The following CAPS2 variants were observed in gnomAD, a reference collection of about 807,000 sequenced individuals.
CAPS2 encodes the protein calcyphosin-2.
CAPS2 carries 98 observed loss-of-function variants against 86.5 expected under a neutral mutation model. The ratio of observed to expected loss-of-function variants is 1.13; its 90% CI spans 0.96 to 1.34. The LOEUF (loss-of-function observed/expected upper bound fraction) is 1.34. Ranked by LOEUF, CAPS2 falls within the 40% of genes most tolerant of loss-of-function variation. The pLI, the probability that CAPS2 is intolerant of heterozygous loss-of-function variation, is 0.00. For missense variants in CAPS2, 729 were observed against 686.8 expected (o/e 1.06, Z -0.69); for synonymous variants, 210 against 225.1 (o/e 0.93, Z 0.60).
intron 1 of CAPS2, among the ~76,000 whole-genome samples, chr12:75,369,133 C>T (rs2044189009): frequency 6.6e-6 from 1 of 151,866 alleles, no homozygotes; most frequent in African/African-American, 2.4e-5. Context: ...GATGGTTTAA[C>T]TCAAGAGGTG....
rs1293982137 is a variant in CAPS2, at chr12:75,307,102, T to A, written c.660-2226A>T. Among the ~76,000 whole-genome samples the A allele has an allele frequency of 5.3e-5, 8 of 152,292 alleles. No individual in the cohort carries two copies. In the East Asian group the frequency reaches 1.5e-3, roughly 29 times the overall value. ...GTACAGACTCTGCAACTAGACTGCC[T>A]GGATTCAATCCTTGCCTGCCGCGAT... is the stretch of plus-strand genomic sequence containing the variant. On this transcript the variant is annotated intron_variant, in intron 7 of 16. Coordinates refer to ENST00000393284, the Ensembl canonical transcript of CAPS2.
chr12:75,354,626 C>G (rs1321517622), intron 1 of CAPS2, among the ~76,000 whole-genome samples: 1 of 152,156 alleles, frequency 6.6e-6, no homozygotes, highest in Non-Finnish European at 1.5e-5. Context: ...TTAGAAAAAA[C>G]TATTTTAAAA....
Position 75,296,417 on chromosome 12 carries a change from G to A in CAPS2, c.1044+2270C>T, listed in dbSNP as rs549187316. Among the ~76,000 whole-genome samples, 155 of 151,962 alleles carry A rather than the reference G, an allele frequency of 1.0e-3. 1 individual carries two copies. Among genetic ancestry groups the A allele is most frequent in the Non-Finnish European group, 1.7e-3 (116 of 67,960 alleles). ...CGCCATTCTCCTGCCTCAGTCTCCC[G>A]AGTAGCTGGGACTACAGGTGCCCGC... On this transcript the variant is annotated intron_variant, in intron 11 of 16. Transcript: ENST00000393284.
Position 75,321,371 on chromosome 12 carries a change from T to C in CAPS2, c.468+29A>G, listed in dbSNP as rs746460793. The C allele has an allele frequency of 1.6e-5, 22 of 1,398,360 alleles. No homozygotes were observed. In the South Asian group the frequency reaches 2.6e-4, roughly 16 times the overall value. The allele number at this position is 1,398,360 out of a possible 1,614,324, so 86.6% of individuals were successfully genotyped here. A position where few individuals can be genotyped will look rare whatever the true frequency, so the allele number is the denominator to read the frequency against. The stretch of plus-strand genomic sequence containing the variant: ...TATGTGCAGTTTTCTTTAAATGTCA[T>C]TAGAATTTTTTAAAGCCTCATACAT... On this transcript the variant is annotated intron_variant, in intron 5 of 16. Coordinates refer to ENST00000393284, the Ensembl canonical transcript of CAPS2.
At chr12:75,340,869 C>A (rs1411988672) in intron 1 of CAPS2, among the ~76,000 whole-genome samples, 2 of 150,964 alleles carry the variant, frequency 1.3e-5, no homozygotes, top group Non-Finnish European at 3.0e-5. Context: ...AAATTAAAAC[C>A]ACAAGGACAT....
chr12:75,384,217 A>C (rs1412243085), intron 1 of CAPS2, among the ~76,000 whole-genome samples: 1 of 152,188 alleles, frequency 6.6e-6, no homozygotes, highest in Non-Finnish European at 1.5e-5. Flanking sequence ...TAATAAAATC[A>C]AAAGCTGGTT....
intron 1 of CAPS2, among the ~76,000 whole-genome samples, chr12:75,336,258 T>C (rs1248708623): frequency 6.6e-6 from 1 of 151,880 alleles, no homozygotes; most frequent in Non-Finnish European, 1.5e-5. Context: ...AAGTCCTTGA[T>C]TAATTTTTGG....
chr12:75,314,540 G>A (rs2039559124), intron 6 of CAPS2, among the ~76,000 whole-genome samples: 1 of 152,010 alleles, frequency 6.6e-6, no homozygotes, highest in Non-Finnish European at 1.5e-5. Context: ...AGCTCATGAT[G>A]CTTTATAAGA....
chr12:75,371,442 C>A (rs903627375), intron 1 of CAPS2: 7 of 338,834 alleles, frequency 2.1e-5, no homozygotes, highest in Non-Finnish European at 3.0e-5. Context: ...TCTCCTTTGG[C>A]AATACTCTCA....
At chr12:75,317,709 A>G (rs368447581) in intron 5 of CAPS2, among the ~76,000 whole-genome samples, 3 of 152,150 alleles carry the variant, frequency 2.0e-5, no homozygotes, top group African/African-American at 7.2e-5. Flanking sequence ...GTAAATATGC[A>G]ATGTGTACAG....
intron 1 of CAPS2, among the ~76,000 whole-genome samples, chr12:75,377,709 G>C (rs1016826536): frequency 1.1e-4 from 16 of 152,018 alleles, no homozygotes; most frequent in Non-Finnish European, 2.1e-4. Flanking sequence ...CACATTGAGG[G>C]TGGGTCTGCC....
At chr12:75,334,335 T>G (rs990138419), upstream of CAPS2, 1 of 253,816 alleles carries the variant, frequency 3.9e-6, no homozygotes, top group African/African-American at 2.3e-5. Flanking sequence ...GAATATATAG[T>G]GCTTTGCACT....
At chr12:75,295,474 G>A (rs973281755) in intron 11 of CAPS2, among the ~76,000 whole-genome samples, 3 of 152,156 alleles carry the variant, frequency 2.0e-5, no homozygotes, top group African/African-American at 7.2e-5. Flanking sequence ...CACATACGAT[G>A]TTCGCTTTGT....
intron 1 of CAPS2, chr12:75,370,129 G>T: frequency 6.2e-7 from 1 of 1,607,092 alleles, no homozygotes. Flanking sequence ...TCAGCAGACA[G>T]CCTTTAATCC....
intron 8 of CAPS2, among the ~76,000 whole-genome samples, chr12:75,300,802 T>C (rs2037721434): frequency 1.3e-5 from 2 of 152,100 alleles, no homozygotes; most frequent in South Asian, 4.1e-4. Flanking sequence ...AAAGCCAGCC[T>C]AGAGCGGTAA....
At chr12:75,276,830 A>T (rs2033019186), downstream of CAPS2, 1 of 932,670 alleles carries the variant, frequency 1.1e-6, no homozygotes, top group South Asian at 5.0e-5. Flanking sequence ...ATGTAACAGC[A>T]TTACAACATA....
intron 7 of CAPS2, chr12:75,305,539 G>T: frequency 1.6e-6 from 1 of 622,226 alleles, no homozygotes. Flanking sequence ...TCCGGTAGGC[G>T]TTCCTCCGTC....
chr12:75,300,555 C>CAAAAAAA (rs60853698), intron 8 of CAPS2, among the ~76,000 whole-genome samples: 4 of 83,024 alleles, frequency 4.8e-5, no homozygotes, highest in Non-Finnish European at 7.1e-5. Flanking sequence ...GACTCCGTCT[C>CAAAAAAA]AAAAAAAAAA....
chr12:75,381,701 G>T (rs1266630159), intron 1 of CAPS2, among the ~76,000 whole-genome samples: 4 of 138,478 alleles, frequency 2.9e-5, no homozygotes, highest in Admixed American at 8.0e-5. Flanking sequence ...TGCAACCTCC[G>T]CCTCCCAGGT....
Sources: allele counts gnomAD v4.1 joint callset (sites outside exome capture counted in the v4.1 genomes callset), GRCh38; gene constraint gnomAD v4.1.1; transcripts MANE v1.5; gene names NCBI Gene and HGNC (gene_info 2026-07-23, HGNC 2026-07-21).